GNAS-AS1: variants seen among roughly 807,000 people sequenced by gnomAD.
The protein encoded by GNAS-AS1 is GNAS antisense RNA 1.
chr20:58,838,987 G>A (rs1439384893), intron 4 of GNAS-AS1: 3 of 395,452 alleles, frequency 7.6e-6, no homozygotes, highest in Admixed American at 4.5e-5. Flanking sequence ...AGGATTCCGT[G>A]TCACCCTGAA....
chr20:58,850,423 C>T (rs1231879358), intron 1 of GNAS-AS1: 2 of 397,610 alleles, frequency 5.0e-6, no homozygotes, highest in East Asian at 7.1e-5. Context: ...ACCCGTTCCT[C>T]GACAAATGGT....
chr20:58,831,254 T>G (rs998953181), intron 4 of GNAS-AS1, among the ~76,000 whole-genome samples: 1 of 152,224 alleles, frequency 6.6e-6, no homozygotes, highest in African/African-American at 2.4e-5. Context: ...TAAGCCACTG[T>G]GCCCGGCCAG....
In GNAS-AS1 at chr20:58,840,535, C is replaced by CCGAGCCTGAA. The variant is rs781445157; in HGVS notation, n.819+1401_819+1402insTTCAGGCTCG. 1 of 1,613,550 alleles carries CCGAGCCTGAA rather than the reference C, an allele frequency of 6.2e-7. No individual in the cohort carries two copies. The highest frequency in any genetic ancestry group is 8.5e-7 in the Non-Finnish European group (1 of 1,180,010). ...CTGAGCCCGAGACCGAGCCTGAAGA[C>CCGAGCCTGAA]GATCGCGGCCCGGTGGTGCCCAAGC... is the stretch of plus-strand genomic sequence containing the variant. On this transcript the variant is annotated intron_variant and non_coding_transcript_variant, in intron 4 of 4. Transcript: ENST00000424094. This position sits in a 1 kb window ranked among gnomAD's most constrained non-coding sequence, Gnocchi z 6.0.
At chr20:58,819,212 C>T in exon 5 of GNAS-AS1, 1 of 398,540 alleles carries the variant, frequency 2.5e-6, no homozygotes, top group East Asian at 3.6e-5. Flanking sequence ...TGGAGAGGCA[C>T]AGCTGCAGAA....
At chr20:58,819,366 G>C in intron 4 of GNAS-AS1, 1 of 397,604 alleles carries the variant, frequency 2.5e-6, no homozygotes, top group Middle Eastern at 6.3e-4. Context: ...GATCGCCTGC[G>C]GTCACACTCC....
rs888965181 is a variant in GNAS-AS1, at chr20:58,841,439, ACG to A, written n.819+496_819+497del. 18 of 992,542 alleles carry A rather than the reference ACG, an allele frequency of 1.8e-5. No individual in the cohort carries two copies. The highest frequency in any genetic ancestry group is 2.2e-5 in the Non-Finnish European group (18 of 834,554). The allele number at this position is 992,542 out of a possible 1,614,324, so 61.5% of individuals were successfully genotyped here. ...AGACTGACCACCCGGGAGGGAAGTC[ACG>A]CGCGCGCGGCGCCTAAGCAGCTCAG... On this transcript the variant is annotated intron_variant and non_coding_transcript_variant, in intron 4 of 4. Transcript: ENST00000424094. This position sits in a 1 kb window ranked among gnomAD's most constrained non-coding sequence, Gnocchi z 5.0.
At chr20:58,836,070 CG>C (rs1381473507) in intron 4 of GNAS-AS1, among the ~76,000 whole-genome samples, 1 of 151,772 alleles carries the variant, frequency 6.6e-6, no homozygotes, top group Non-Finnish European at 1.5e-5. Flanking sequence ...AAAGTGGGGG[CG>C]GGGGGGAGGA....
intron 4 of GNAS-AS1, among the ~76,000 whole-genome samples, chr20:58,838,503 A>G (rs1295093181): frequency 2.0e-5 from 3 of 152,174 alleles, no homozygotes; most frequent in Non-Finnish European, 4.4e-5. Flanking sequence ...TTAATCCAAA[A>G]TATCCTTTCC....
At chr20:58,832,872 A>G (rs2085576381) in intron 4 of GNAS-AS1, among the ~76,000 whole-genome samples, 2 of 152,232 alleles carry the variant, frequency 1.3e-5, no homozygotes, top group South Asian at 4.1e-4. Context: ...CTCAATCCCC[A>G]CACAGCACCT....
intron 4 of GNAS-AS1, chr20:58,824,087 T>G (rs937357910): frequency 1.3e-5 from 5 of 398,496 alleles, no homozygotes; most frequent in African/African-American, 1.0e-4. Flanking sequence ...AAAGAACCCA[T>G]GAAGAACGAA....
At chr20:58,822,733 T>C (rs973607780) in intron 4 of GNAS-AS1, among the ~76,000 whole-genome samples, 5 of 152,126 alleles carry the variant, frequency 3.3e-5, no homozygotes, top group African/African-American at 1.2e-4. Flanking sequence ...CTTAATTCTC[T>C]CCTGGCCCCT....
intron 4 of GNAS-AS1, among the ~76,000 whole-genome samples, chr20:58,837,681 G>A (rs2085613123): frequency 6.6e-6 from 1 of 152,204 alleles, no homozygotes; most frequent in South Asian, 2.1e-4. Context: ...GGCCTCAAGT[G>A]ACCCACCCGC....
Position 58,840,128 on chromosome 20 carries a change from C to G in GNAS-AS1, n.819+1809G>C. On this transcript the variant is annotated intron_variant and non_coding_transcript_variant, in intron 4 of 4. Transcript: ENST00000424094. The surrounding 1 kb of genome is among the most constrained non-coding windows in gnomAD (Gnocchi z 6.0). ...GAGGATGGATCGGAGGTCCCGGGCT[C>G]AGCAGTGGCGCCGAGCTCGCCATAA... is the stretch of plus-strand genomic sequence containing the variant. The G allele has an allele frequency of 1.2e-6, 2 of 1,611,532 alleles. No homozygotes were observed. Among genetic ancestry groups the G allele is most frequent in the Admixed American group, 1.7e-5 (1 of 60,020 alleles).
exon 5 of GNAS-AS1, chr20:58,819,194 C>T (rs1469216221): frequency 1.3e-5 from 5 of 398,488 alleles, no homozygotes; most frequent in Non-Finnish European, 2.2e-5. Context: ...ACTAATGAGG[C>T]GGAGCTCTGG....
intron 4 of GNAS-AS1, among the ~76,000 whole-genome samples, chr20:58,830,884 ATTTTCCC>A (rs1184004106): frequency 1.3e-5 from 2 of 151,908 alleles, no homozygotes; most frequent in Non-Finnish European, 2.9e-5. Context: ...GATACCATCT[ATTTTCCC>A]TTTGAAGCCC....
chr20:58,841,262 G>A lies in GNAS-AS1; in HGVS notation n.819+675C>T. ...TGCGCGCTTTTCTTCCTCCTAGAAAGACTAGTCTCAAATAAGTTGGCCTTC... is the reference window on the plus strand; with the variant it reads ...TGCGCGCTTTTCTTCCTCCTAGAAAAACTAGTCTCAAATAAGTTGGCCTTC... On this transcript the variant is annotated intron_variant and non_coding_transcript_variant, in intron 4 of 4. Transcript: ENST00000424094. This position sits in a 1 kb window ranked among gnomAD's most constrained non-coding sequence, Gnocchi z 5.0. The A allele has an allele frequency of 1.0e-6, 1 of 995,038 alleles. No individual in the cohort carries two copies. 61.6% of individuals were successfully genotyped at this position (995,038 alleles called of 1,614,324 possible). A position where few individuals can be genotyped will look rare whatever the true frequency, so the allele number is the denominator to read the frequency against.
At chr20:58,819,590 A>G (rs1022193702) in intron 4 of GNAS-AS1, among the ~76,000 whole-genome samples, 12 of 152,316 alleles carry the variant, frequency 7.9e-5, no homozygotes, top group Non-Finnish European at 1.3e-4. Flanking sequence ...GAGAGAAGCC[A>G]TCTGCCAGAG....
At chr20:58,839,935 A>G (rs2085655628) in intron 4 of GNAS-AS1, 1 of 655,882 alleles carries the variant, frequency 1.5e-6, no homozygotes, top group African/African-American at 1.8e-5. Context: ...TTAAGTGGTC[A>G]GGAAGGTAGG....
chr20:58,834,381 G>A (rs1178467614), intron 4 of GNAS-AS1: 2 of 152,336 alleles, frequency 1.3e-5, no homozygotes, highest in East Asian at 3.8e-4. Context: ...CCCGTAGACT[G>A]GGGGTGTCCT....
Sources: gnomAD v4.1 joint callset for allele counts (sites outside exome capture counted in the v4.1 genomes callset) on GRCh38, gnomAD v4.1.1 for gene constraint, Gnocchi (gnomAD v3.1) non-coding constraint, MANE v1.5 for transcripts, NCBI Gene and HGNC (gene_info 2026-07-23, HGNC 2026-07-21) for gene names.